Variants in CACNA2D3 observed in about 807,000 individuals in gnomAD.
The protein encoded by CACNA2D3 is calcium voltage-gated channel auxiliary subunit alpha2delta 3, also known as voltage-dependent calcium channel subunit alpha-2/delta-3.
CACNA2D3 carries 60 observed loss-of-function variants against 160.6 expected under a neutral mutation model. The observed-to-expected ratio is 0.37, with a 90% confidence interval of 0.30 to 0.46. The LOEUF (loss-of-function observed/expected upper bound fraction) is 0.46, where lower values mean the gene tolerates loss of function less well. Among genes scored for constraint, CACNA2D3 ranks in the 20% least tolerant of loss-of-function variants. CACNA2D3 has a pLI of 1.00. For synonymous variants in CACNA2D3, 558 were observed against 492.9 expected, an observed-to-expected ratio of 1.13 and a Z score of -1.75; for missense variants, 1,205 against 1,365.0, an observed-to-expected ratio of 0.88 and a Z score of 1.85.
At chr3:54,598,503 A>T (rs1703003071) in intron 9 of CACNA2D3, among the ~76,000 whole-genome samples, 1 of 152,110 alleles carries the variant, frequency 6.6e-6, no homozygotes, top group African/African-American at 2.4e-5. Context: ...TGAGTGCTTT[A>T]TTGAGAGGTG....
At chr3:54,477,360 C>G (rs756801384) in intron 4 of CACNA2D3, among the ~76,000 whole-genome samples, 2 of 151,940 alleles carry the variant, frequency 1.3e-5, no homozygotes, top group Non-Finnish European at 2.9e-5. Flanking sequence ...CATTGCGAAT[C>G]TAGGACATGG....
At chr3:54,625,813 A>G (rs1699086037) in intron 9 of CACNA2D3, among the ~76,000 whole-genome samples, 2 of 152,224 alleles carry the variant, frequency 1.3e-5, no homozygotes, top group South Asian at 4.1e-4. Context: ...GAGGCAGAGC[A>G]GCATCTTAAA....
intron 29 of CACNA2D3, among the ~76,000 whole-genome samples, chr3:54,971,940 C>T (rs1033110831): frequency 6.6e-6 from 1 of 152,074 alleles, no homozygotes; most frequent in African/African-American, 2.4e-5. Flanking sequence ...ATAGATAAGA[C>T]ATGAACAATG....
chr3:54,579,636 G>A (rs958568460), intron 8 of CACNA2D3, among the ~76,000 whole-genome samples: 1 of 152,272 alleles, frequency 6.6e-6, no homozygotes, highest in Non-Finnish European at 1.5e-5. Flanking sequence ...CTTAGAAATC[G>A]GTGTATTGTC....
At chr3:54,355,866 C>G (rs1197840799) in intron 3 of CACNA2D3, among the ~76,000 whole-genome samples, 6 of 152,148 alleles carry the variant, frequency 3.9e-5, no homozygotes, top group East Asian at 1.9e-4. Flanking sequence ...TCGAGTTAGT[C>G]TGGAGACTTC....
intron 14 of CACNA2D3, among the ~76,000 whole-genome samples, chr3:54,823,198 C>G (rs2106730342): frequency 6.6e-6 from 1 of 152,090 alleles, no homozygotes; most frequent in South Asian, 2.1e-4. Flanking sequence ...CTCTTCATAT[C>G]AAACAACCTC....
At chr3:54,622,435 C>T (rs1249416268) in intron 9 of CACNA2D3, among the ~76,000 whole-genome samples, 2 of 152,288 alleles carry the variant, frequency 1.3e-5, no homozygotes, top group East Asian at 3.9e-4. Context: ...GCCACCACGT[C>T]TGGCTAATTT....
chr3:54,388,598 G>A lies in CACNA2D3; in HGVS notation c.381+1824G>A, dbSNP rs570968550. Among the ~76,000 whole-genome samples, 4 of 152,352 alleles carry A rather than the reference G, an allele frequency of 2.6e-5. No individual in the cohort carries two copies. The South Asian group carries it at 6.2e-4, about 24-fold the overall frequency. Reference sequence around the variant, plus strand: ...CGGCAGCTGGCCCAGCTCTTTGAGCGAAGCTGCTGAGAAGGGACAGAAGAT... The same window carrying A: ...CGGCAGCTGGCCCAGCTCTTTGAGCAAAGCTGCTGAGAAGGGACAGAAGAT... On this transcript the variant is annotated intron_variant, in intron 4 of 37. Transcript: ENST00000474759.
At chr3:54,276,620 A>G (rs1702746201) in intron 2 of CACNA2D3, among the ~76,000 whole-genome samples, 1 of 151,450 alleles carries the variant, frequency 6.6e-6, no homozygotes, top group African/African-American at 2.4e-5. Context: ...GCCATTAGAG[A>G]GAGTCCATGC....
chr3:54,963,271 G>C (rs76122559), intron 27 of CACNA2D3, among the ~76,000 whole-genome samples: 7 of 152,172 alleles, frequency 4.6e-5, no homozygotes, highest in African/African-American at 1.7e-4. Context: ...TCTACCTCTG[G>C]GGAGTGGTAG....
chr3:54,703,404 A>C (rs1463113636), intron 11 of CACNA2D3, among the ~76,000 whole-genome samples: 1 of 152,184 alleles, frequency 6.6e-6, no homozygotes, highest in Non-Finnish European at 1.5e-5. Flanking sequence ...ACTAAATGTA[A>C]AAGTAGTTTC....
intron 2 of CACNA2D3, among the ~76,000 whole-genome samples, chr3:54,211,999 C>G (rs1319466271): frequency 6.6e-6 from 1 of 152,066 alleles, no homozygotes; most frequent in Non-Finnish European, 1.5e-5. Context: ...ATCTCAACTT[C>G]ACCCACCTCT....
chr3:54,165,565 C>T (rs527475416), intron 2 of CACNA2D3, among the ~76,000 whole-genome samples: 1 of 148,866 alleles, frequency 6.7e-6, no homozygotes, highest in South Asian at 2.1e-4. Context: ...TGGCTCATGC[C>T]TGTAATTCCC....
intron 12 of CACNA2D3, among the ~76,000 whole-genome samples, chr3:54,753,313 A>G (rs1018778957): frequency 2.0e-5 from 3 of 152,160 alleles, no homozygotes; most frequent in Non-Finnish European, 4.4e-5. Context: ...CTTCTTGCCT[A>G]TAGGTGGGGC....
chr3:54,948,752 T>C (rs960696616), intron 27 of CACNA2D3, among the ~76,000 whole-genome samples: 1 of 152,258 alleles, frequency 6.6e-6, no homozygotes, highest in Admixed American at 6.5e-5. Flanking sequence ...GAGGTGCTTA[T>C]GTGACAGATC....
intron 5 of CACNA2D3, among the ~76,000 whole-genome samples, chr3:54,541,782 G>C (rs536739024): frequency 2.0e-5 from 3 of 152,298 alleles, no homozygotes; most frequent in East Asian, 1.9e-4. Context: ...GCAATGTGTA[G>C]TCCTGGATTG....
intron 27 of CACNA2D3, among the ~76,000 whole-genome samples, chr3:54,959,646 A>G (rs1436260073): frequency 1.3e-5 from 2 of 152,164 alleles, no homozygotes; most frequent in Non-Finnish European, 2.9e-5. Flanking sequence ...GGAAGCTTAT[A>G]ATTTTTTAAA....
At chr3:54,618,375 G>GCACACA (rs56788185) in intron 9 of CACNA2D3, among the ~76,000 whole-genome samples, 15,666 of 115,338 alleles carry the variant, frequency 0.14, 1,364 homozygotes, top group Middle Eastern at 0.17. Flanking sequence ...ATATATATAT[G>GCACACA]CACACACACA....
chr3:54,981,949 G>T (rs1702518424), intron 29 of CACNA2D3, among the ~76,000 whole-genome samples: 1 of 152,190 alleles, frequency 6.6e-6, no homozygotes, highest in African/African-American at 2.4e-5. Flanking sequence ...CTGTGGCAGG[G>T]TGGGGAAAGT....
Sources: gnomAD v4.1 joint callset for allele counts (sites outside exome capture counted in the v4.1 genomes callset) on GRCh38, gnomAD v4.1.1 for gene constraint, MANE v1.5 for transcripts, NCBI Gene and HGNC (gene_info 2026-07-23, HGNC 2026-07-21) for gene names.